The following ATP5MG variants were observed in gnomAD, a reference collection of about 807,000 sequenced individuals.
ATP5MG encodes ATP synthase F(0) complex subunit g, mitochondrial.
In ATP5MG, 7 loss-of-function variants were observed where a neutral mutation model predicts 12.7. The observed-to-expected ratio is 0.55, with a 90% CI of 0.31 to 1.04. The LOEUF (loss-of-function observed/expected upper bound fraction) is 1.04. Ranked by LOEUF, ATP5MG falls within the 50% of genes least tolerant of loss-of-function variation. The pLI is 0.05. For missense variants in ATP5MG, 116 were observed against 126.7 expected, an observed-to-expected ratio of 0.92 and a Z score of 0.41; for synonymous variants, 53 against 48.2, an observed-to-expected ratio of 1.10 and a Z score of -0.41.
chr11:118,405,186 G>T (rs1565546181), intron 1 of ATP5MG, among the ~76,000 whole-genome samples: 1 of 152,074 alleles, frequency 6.6e-6, no homozygotes. Flanking sequence ...ACTACTTCTA[G>T]GTCCTCTCAT....
At position 118,409,077 on chromosome 11, in the gene ATP5MG, C is replaced by T. The variant is rs199597607; in HGVS notation, c.291C>T (p.Gly97=). The T allele has an allele frequency of 1.7e-5, 27 of 1,606,040 alleles. No individual in the cohort carries two copies. In the Admixed American group the frequency reaches 4.6e-4, roughly 27 times the overall value. Residue 97 remains glycine, a synonymous_variant, in exon 3 of 3, where the codon GGC becomes GGT. Coordinates refer to ENST00000300688, the MANE Select transcript of ATP5MG (RefSeq NM_006476.5). ...FYVGEIIGKR[G]IIGYDV is the part of the protein sequence containing the mutation. ...TCGGAGAGATTATAGGCAAGCGGGG[C>T]ATCATTGGCTATGATGTTTGAAGAC...
rs782505577 is a variant in ATP5MG at position 118,401,665 on chromosome 11, C to G, written c.-1C>G. 3 of 1,614,180 alleles carry G rather than the reference C, an allele frequency of 1.9e-6. No homozygotes were observed. The South Asian group carries it at 3.3e-5, about 18-fold the overall frequency. On this transcript the variant is annotated 5_prime_UTR_variant, in exon 1 of 3. Coordinates refer to ENST00000300688, the MANE Select transcript of ATP5MG (RefSeq NM_006476.5). ...GGCGACGGACTCTCCATTCCAGAAC[C>G]ATGGCCCAATTTGTCCGTAACCTTG... is the stretch of plus-strand genomic sequence containing the variant.
chr11:118,408,526 A>G (rs1033979080), intron 2 of ATP5MG, among the ~76,000 whole-genome samples: 6 of 152,224 alleles, frequency 3.9e-5, no homozygotes, highest in Non-Finnish European at 5.9e-5. Flanking sequence ...AGTTAAGTCA[A>G]ATACTGAATG....
At chr11:118,404,139 A>G (rs544611941) in intron 1 of ATP5MG, among the ~76,000 whole-genome samples, 1 of 152,240 alleles carries the variant, frequency 6.6e-6, no homozygotes, top group Non-Finnish European at 1.5e-5. Context: ...TATAACATAC[A>G]TAGGCTAGTG....
intron 2 of ATP5MG, among the ~76,000 whole-genome samples, chr11:118,408,575 C>T (rs1948991570): frequency 6.6e-6 from 1 of 152,182 alleles, no homozygotes; most frequent in Non-Finnish European, 1.5e-5. Context: ...AGCACTTCAT[C>T]TTTCAGCAGA....
At position 118,401,646 on chromosome 11, in the gene ATP5MG, G is replaced by A. The variant is rs782163452; in HGVS notation, c.-20G>A. On this transcript the variant is annotated 5_prime_UTR_variant, in exon 1 of 3. Coordinates refer to ENST00000300688, the MANE Select transcript of ATP5MG (RefSeq NM_006476.5). ...CATTCAGCCGGCGGTTCGGGGCGAC[G>A]GACTCTCCATTCCAGAACCATGGCC... 6.2e-6 allele frequency: 10 copies of A among 1,613,928 alleles called. No homozygotes were observed. In the South Asian group the frequency reaches 9.9e-5, roughly 16 times the overall value.
Position 118,406,835 on chromosome 11 carries a change from G to T in ATP5MG, c.53-102G>T, listed in dbSNP as rs1228237123. On this transcript the variant is annotated intron_variant, in intron 1 of 2. Transcript: ENST00000300688. ...CATTTGGTACAAGCAGTGAATGAAG[G>T]TGATGCATGAATAAATATTTGTGTC... 6.7e-6 allele frequency: 10 copies of T among 1,483,800 alleles called. No homozygotes were observed. In the South Asian group the frequency reaches 1.3e-4, roughly 19 times the overall value. The allele number at this position is 1,483,800 out of a possible 1,614,324, so 91.9% of individuals were successfully genotyped here.
At chr11:118,408,072 G>A (rs1948988041) in intron 2 of ATP5MG, among the ~76,000 whole-genome samples, 1 of 152,154 alleles carries the variant, frequency 6.6e-6, no homozygotes, top group African/African-American at 2.4e-5. Flanking sequence ...TGAGGCAGGA[G>A]AATGGCAAGA....
In ATP5MG at chr11:118,409,034, T is replaced by C. The variant is rs1555132591; in HGVS notation, c.248T>C (p.Val83Ala). 10 of 1,606,100 alleles carry C rather than the reference T, an allele frequency of 6.2e-6. No individual in the cohort carries two copies. The highest frequency in any genetic ancestry group is 8.5e-6 in the Non-Finnish European group (10 of 1,176,252). Residue 83 changes from valine (V) to alanine (A), a missense_variant, in exon 3 of 3, where the codon GTG becomes GCG. Coordinates refer to ENST00000300688, the MANE Select transcript of ATP5MG (RefSeq NM_006476.5). ...CTGAATGGTTTGGTGGCCACTGAGGTGTTGATGTGGTTTTATGTCGGAGAG... is the reference window on the plus strand; with the variant it reads ...CTGAATGGTTTGGTGGCCACTGAGGCGTTGATGTGGTTTTATGTCGGAGAG... ...AVLNGLVATE[V>A]LMWFYVGEII...
rs888882384 is a variant in ATP5MG at position 118,409,599 on chromosome 11, A to G, written c.*501A>G. The G allele has an allele frequency of 2.0e-5, 3 of 152,272 alleles. No individual in the cohort carries two copies. The highest frequency in any genetic ancestry group is 4.4e-5 in the Non-Finnish European group (3 of 68,074). 9.4% of individuals were successfully genotyped at this position (152,272 alleles called of 1,614,324 possible). A position where few individuals can be genotyped will look rare whatever the true frequency, so the allele number is the denominator to read the frequency against. ...CTGTAAAAATGTTAGAGTACTTGTC[A>G]TCTTGAATATAGCCTCCCCAAGAGA... On this transcript the variant is annotated 3_prime_UTR_variant, in exon 3 of 3. Coordinates refer to ENST00000300688, the MANE Select transcript of ATP5MG (RefSeq NM_006476.5).
In ATP5MG at chr11:118,407,031, T is replaced by TGA; in HGVS notation, c.147_148insGA (p.Ile50GlufsTer5). On this transcript the variant is annotated frameshift_variant, in exon 2 of 3. Coordinates refer to ENST00000300688, the MANE Select transcript of ATP5MG (RefSeq NM_006476.5). LOFTEE classifies it high-confidence loss of function. Reference sequence around the variant, plus strand: ...CCACCCCTGCTGAGATCCCTAGAGCTATTCAGAGCCTGAAAAAAATAGTCA... The same window carrying TGA: ...CCACCCCTGCTGAGATCCCTAGAGCTGAATTCAGAGCCTGAAAAAAATAGTCA... The TGA allele has an allele frequency of 6.2e-7, 1 of 1,614,102 alleles. No individual in the cohort carries two copies. Among genetic ancestry groups the TGA allele is most frequent in the Non-Finnish European group, 8.5e-7 (1 of 1,180,000 alleles).
chr11:118,402,535 G>T (rs1275850988), intron 1 of ATP5MG, among the ~76,000 whole-genome samples: 1 of 152,018 alleles, frequency 6.6e-6, no homozygotes, highest in Non-Finnish European at 1.5e-5. Flanking sequence ...GTTTTTCCTA[G>T]ATGTGCTGTA....
chr11:118,407,010 C>T lies in ATP5MG; in HGVS notation c.126C>T (p.Thr42=). 6.2e-7 allele frequency: 1 copy of T among 1,614,034 alleles called. No individual in the cohort carries two copies. Among genetic ancestry groups the T allele is most frequent in the Non-Finnish European group, 8.5e-7 (1 of 1,179,980 alleles). The change falls in exon 2 of 3, where the codon ACC becomes ACT. Residue 42 remains threonine (T), a synonymous_variant. Coordinates refer to ENST00000300688, the MANE Select transcript of ATP5MG (RefSeq NM_006476.5). ...CCAAGGTTGAGCTGGTTCCTCCCACCCCTGCTGAGATCCCTAGAGCTATTC... is the reference window on the plus strand; with the variant it reads ...CCAAGGTTGAGCTGGTTCCTCCCACTCCTGCTGAGATCCCTAGAGCTATTC... The part of the protein sequence containing the change: ...YYAKVELVPP[T]PAEIPRAIQS...
chr11:118,404,047 G>C (rs1284270140), intron 1 of ATP5MG: 1 of 152,116 alleles, frequency 6.6e-6, no homozygotes, highest in African/African-American at 2.4e-5. Flanking sequence ...ATAATTGAAA[G>C]ATAACTTGTT....
At chr11:118,408,930 AATATATATATATATATATAATT>A (rs1555132545) in intron 2 of ATP5MG, 48 bp from the exon 3 acceptor site, 3 of 411,764 alleles carry the variant, frequency 7.3e-6, no homozygotes, top group African/African-American at 6.7e-5. Context: ...AATAGTTTCA[AATATATATATATATATATAATT>A]ATATATATAT....
intron 1 of ATP5MG, among the ~76,000 whole-genome samples, chr11:118,405,112 T>C (rs1948961682): frequency 6.6e-6 from 1 of 152,358 alleles, no homozygotes; most frequent in South Asian, 2.1e-4. Flanking sequence ...GTTCCTTTTA[T>C]TGGACAATAG....
chr11:118,404,148 T>C (rs1242326499), intron 1 of ATP5MG, among the ~76,000 whole-genome samples: 3 of 152,228 alleles, frequency 2.0e-5, no homozygotes, highest in Non-Finnish European at 4.4e-5. Context: ...CATAGGCTAG[T>C]GTATTAAATG....
At chr11:118,402,966 C>T (rs972159299) in intron 1 of ATP5MG, among the ~76,000 whole-genome samples, 1 of 152,082 alleles carries the variant, frequency 6.6e-6, no homozygotes, top group Admixed American at 6.6e-5. Context: ...TCCTAAAGTG[C>T]CAGAGTTACA....
intron 1 of ATP5MG, among the ~76,000 whole-genome samples, chr11:118,402,519 A>C (rs1948936635): frequency 1.3e-5 from 2 of 152,052 alleles, no homozygotes; most frequent in African/African-American, 4.8e-5. Context: ...AGCTAAATTG[A>C]CGTAAGTTTT....
Sources: allele counts gnomAD v4.1 joint callset (sites outside exome capture counted in the v4.1 genomes callset), GRCh38; gene constraint gnomAD v4.1.1; transcripts MANE v1.5; gene names NCBI Gene and HGNC (gene_info 2026-07-23, HGNC 2026-07-21).